The following AMBRA1 variants were observed in gnomAD, a reference collection of about 807,000 sequenced individuals.
AMBRA1 encodes activating molecule in BECN1-regulated autophagy protein 1.
In AMBRA1, 47 loss-of-function variants were observed where a neutral mutation model predicts 125.4. The ratio of observed to expected loss-of-function variants is 0.37; its 90% CI spans 0.30 to 0.48. The LOEUF is 0.48. Among genes scored for constraint, AMBRA1 ranks in the 20% least tolerant of loss-of-function variants. AMBRA1 has a pLI of 0.99. For missense variants in AMBRA1, 1,331 were observed against 1,693.4 expected (o/e 0.79, Z 3.76); for synonymous variants, 626 against 655.5 (o/e 0.95, Z 0.69).
At chr11:46,502,845 G>A (rs1950890904) in intron 9 of AMBRA1, among the ~76,000 whole-genome samples, 1 of 151,998 alleles carries the variant, frequency 6.6e-6, no homozygotes, top group Non-Finnish European at 1.5e-5. Context: ...CAGATCACGA[G>A]GTCAGGAGTT....
At chr11:46,439,410 A>G (rs1053573306) in intron 12 of AMBRA1, among the ~76,000 whole-genome samples, 9 of 152,234 alleles carry the variant, frequency 5.9e-5, no homozygotes, top group African/African-American at 2.2e-4. Context: ...AAAAGAAATT[A>G]ATAGTATGAT....
chr11:46,544,372 C>A (rs1952897106), intron 5 of AMBRA1, among the ~76,000 whole-genome samples: 1 of 152,174 alleles, frequency 6.6e-6, no homozygotes, highest in South Asian at 2.1e-4. Context: ...CTCTCATACT[C>A]TGCCACAGAA....
intron 1 of AMBRA1, among the ~76,000 whole-genome samples, chr11:46,549,727 G>T (rs1005916422): frequency 1.3e-5 from 2 of 151,710 alleles, no homozygotes; most frequent in African/African-American, 2.4e-5. Flanking sequence ...GACTTTGGAC[G>T]TTTATGTCTC....
chr11:46,446,436 A>G (rs543168265), intron 11 of AMBRA1, among the ~76,000 whole-genome samples: 50 of 152,346 alleles, frequency 3.3e-4, no homozygotes, highest in Non-Finnish European at 1.0e-4. Context: ...AAGTATTTAC[A>G]TACGAGGCAC....
Position 46,426,079 on chromosome 11 carries a change from A to T in AMBRA1, c.2976+7395T>A, listed in dbSNP as rs149466841. 4.0e-3 allele frequency among the ~76,000 whole-genome samples: 610 copies of T among 152,140 alleles called. 6 individuals are homozygous for T. The highest frequency in any genetic ancestry group is 0.014 in the African/African-American group (585 of 41,492). On this transcript the variant is annotated intron_variant, in intron 14 of 17. Transcript: ENST00000683756. ...AGACTCCATCTCAAAATAAAAAAAA[A>T]AAAAAAAGAAAGAAAACATTGTGGA...
chr11:46,569,788 C>T (rs1341564057), intron 1 of AMBRA1, among the ~76,000 whole-genome samples: 2 of 150,490 alleles, frequency 1.3e-5, no homozygotes, highest in African/African-American at 2.4e-5. Flanking sequence ...TGAGAGAAAT[C>T]CCATCTCTAC....
intron 7 of AMBRA1, among the ~76,000 whole-genome samples, chr11:46,539,172 T>A (rs1447016714): frequency 6.6e-6 from 1 of 152,134 alleles, no homozygotes; most frequent in African/African-American, 2.4e-5. Context: ...TATAGGTGTA[T>A]GGAAGCTCAG....
At chr11:46,417,771 C>T (rs1378988868) in intron 15 of AMBRA1, 142 bp downstream of exon 15, 1 of 945,962 alleles carries the variant, frequency 1.1e-6, no homozygotes, top group Non-Finnish European at 1.4e-6. Context: ...GGGAAGAGGG[C>T]CCTTTAAGGA....
At chr11:46,573,578 G>T (rs1159340079) in intron 1 of AMBRA1, among the ~76,000 whole-genome samples, 1 of 151,778 alleles carries the variant, frequency 6.6e-6, no homozygotes, top group African/African-American at 2.4e-5. Context: ...TCAATCTTTA[G>T]ATTGGTTTAG....
chr11:46,508,035 T>C (rs1282913099), intron 9 of AMBRA1, among the ~76,000 whole-genome samples, 156 bp downstream of exon 9: 1 of 152,198 alleles, frequency 6.6e-6, no homozygotes, highest in Non-Finnish European at 1.5e-5. Flanking sequence ...TCTGGGCATC[T>C]TAACCCTCTG....
intron 11 of AMBRA1, among the ~76,000 whole-genome samples, chr11:46,489,216 G>A (rs913782371): frequency 3.3e-5 from 5 of 151,144 alleles, no homozygotes; most frequent in African/African-American, 7.3e-5. Context: ...TCCCTCCCCC[G>A]CTCTCCCCAC....
rs1200661834 is a variant in AMBRA1, at chr11:46,508,270, G to A, written c.2260C>T (p.Arg754Cys). 5.0e-6 allele frequency: 8 copies of A among 1,614,078 alleles called. No homozygotes were observed. The highest frequency in any genetic ancestry group is 4.0e-5 in the African/African-American group (3 of 74,924). The change falls in exon 9 of 18, where the codon CGT becomes TGT. Residue 754 changes from arginine (R) to cysteine (C), a missense_variant. Around this residue, in one of 4 missense-constraint regions of AMBRA1, gnomAD observed 689 missense variants for 776.5 expected, o/e 0.89. Coordinates refer to ENST00000683756, the MANE Select transcript of AMBRA1 (RefSeq NM_001387011.1). ...RSMRYQQNRL[R>C]SSTSSSSSDN... Reference sequence around the variant, plus strand: ...GAGGAAGAGGAGGAGGTGGAAGAACGGAGACGGTTCTGTTGGTAGCGCATG... The same window carrying A: ...GAGGAAGAGGAGGAGGTGGAAGAACAGAGACGGTTCTGTTGGTAGCGCATG...
At chr11:46,561,458 A>T (rs986479674) in intron 1 of AMBRA1, among the ~76,000 whole-genome samples, 3 of 152,144 alleles carry the variant, frequency 2.0e-5, no homozygotes, top group Admixed American at 6.5e-5. Flanking sequence ...CACAAGTCCT[A>T]GGACAGATGT....
intron 7 of AMBRA1, among the ~76,000 whole-genome samples, chr11:46,523,603 T>C (rs1205596846): frequency 6.6e-6 from 1 of 152,262 alleles, no homozygotes; most frequent in Non-Finnish European, 1.5e-5. Context: ...GCCTTCTTTT[T>C]ATTAGCACTA....
At chr11:46,593,756 G>T in intron 1 of AMBRA1, 72 bp downstream of exon 1, 1 of 390,044 alleles carries the variant, frequency 2.6e-6, no homozygotes, top group Non-Finnish European at 4.5e-6. Context: ...CCCACCCGCC[G>T]GCGCCAAGGT....
chr11:46,450,056 CAAA>C (rs201819276), intron 11 of AMBRA1, among the ~76,000 whole-genome samples: 1 of 71,172 alleles, frequency 1.4e-5, no homozygotes. Flanking sequence ...GAGACTGTCT[CAAA>C]AAAAAAAAAA....
intron 9 of AMBRA1, among the ~76,000 whole-genome samples, chr11:46,503,241 T>C (rs1039534349): frequency 2.6e-5 from 4 of 152,058 alleles, no homozygotes; most frequent in Admixed American, 2.0e-4. Flanking sequence ...TTCTTGAACA[T>C]ACAGAGGTCA....
intron 1 of AMBRA1, among the ~76,000 whole-genome samples, chr11:46,581,857 G>A (rs2044186090): frequency 6.7e-6 from 1 of 150,212 alleles, no homozygotes; most frequent in African/African-American, 2.4e-5. Flanking sequence ...GTTCATGCCT[G>A]TAATTTCACC....
intron 1 of AMBRA1, among the ~76,000 whole-genome samples, chr11:46,586,403 T>TA (rs1285902115): frequency 6.6e-6 from 1 of 152,036 alleles, no homozygotes; most frequent in Non-Finnish European, 1.5e-5. Context: ...CAAAAAATAA[T>TA]AAAAAAATAA....
Sources: gnomAD v4.1 joint callset for allele counts (sites outside exome capture counted in the v4.1 genomes callset) on GRCh38, gnomAD v4.1.1 for gene constraint, gnomAD v4.1.1 regional missense constraint, MANE v1.5 for transcripts, NCBI Gene and HGNC (gene_info 2026-07-23, HGNC 2026-07-21) for gene names.